PDE4D: variants seen among roughly 807,000 people sequenced by gnomAD.
The protein encoded by PDE4D is 3',5'-cyclic-AMP phosphodiesterase 4D.
A neutral mutation model predicts 87.4 loss-of-function variants in PDE4D; 24 were observed. The ratio of observed to expected loss-of-function variants is 0.27; its 90% CI spans 0.20 to 0.39. The LOEUF (loss-of-function observed/expected upper bound fraction) is 0.39, where lower values mean the gene tolerates loss of function less well. Among genes scored for constraint, PDE4D ranks in the 10% least tolerant of loss-of-function variants. The probability of loss-of-function intolerance (pLI) is 1.00; values close to 1 mark genes in which losing one functional copy is unlikely to be tolerated. For missense variants in PDE4D, 714 were observed against 1,041.0 expected (o/e 0.69, Z 4.32); for synonymous variants, 384 against 383.2 (o/e 1.00, Z -0.02).
At chr5:60,085,281 T>G (rs1051530331) in intron 2 of PDE4D, among the ~76,000 whole-genome samples, 4 of 152,074 alleles carry the variant, frequency 2.6e-5, no homozygotes, top group Admixed American at 6.6e-5. Flanking sequence ...AGGGAATATA[T>G]AGAGGGAATA....
At chr5:60,056,702 C>T (rs1239477618) in intron 2 of PDE4D, among the ~76,000 whole-genome samples, 1 of 151,986 alleles carries the variant, frequency 6.6e-6, no homozygotes, top group Admixed American at 6.6e-5. Context: ...TTTTCTGGGC[C>T]TAGGTTTCCG....
rs137955420 is a variant in PDE4D at position 60,086,366 on chromosome 5, G to C, written c.43-97649C>G. On this transcript the variant is annotated intron_variant, in intron 2 of 16. Transcript: ENST00000502484. The stretch of plus-strand genomic sequence containing the variant: ...TGTCCAGGGAGCTTTAGAAACAAAA[G>C]AACTGCTAGATATTATAGCTCTTTA... Among the ~76,000 whole-genome samples, 206 of 152,238 alleles carry C rather than the reference G, an allele frequency of 1.4e-3. 1 individual carries two copies. The highest frequency in any genetic ancestry group is 4.5e-3 in the African/African-American group (188 of 41,564).
intron 3 of PDE4D, among the ~76,000 whole-genome samples, chr5:59,926,106 CAT>C (rs1298505649): frequency 6.6e-6 from 1 of 151,930 alleles, no homozygotes; most frequent in Non-Finnish European, 1.5e-5. Context: ...GGATAGACCA[CAT>C]GTTAGGCCAC....
At chr5:59,003,859 A>C (rs1751027073) in intron 6 of PDE4D, among the ~76,000 whole-genome samples, 1 of 152,136 alleles carries the variant, frequency 6.6e-6, no homozygotes, top group South Asian at 2.1e-4. Flanking sequence ...CCTCGAGGCA[A>C]AACATACTTG....
chr5:59,586,913 TA>T (rs1825232866), intron 1 of PDE4D: 1 of 985,330 alleles, frequency 1.0e-6, no homozygotes, highest in Non-Finnish European at 1.2e-6. Context: ...ATGGTCACTT[TA>T]ACGCAGTGCT....
At chr5:59,067,225 C>T (rs1481154304) in intron 5 of PDE4D, among the ~76,000 whole-genome samples, 1 of 151,762 alleles carries the variant, frequency 6.6e-6, no homozygotes, top group African/African-American at 2.4e-5. Context: ...TCATGTTGCC[C>T]AGGCTGGTCT....
At chr5:59,168,602 C>T (rs1042092026) in intron 5 of PDE4D, among the ~76,000 whole-genome samples, 43 of 152,270 alleles carry the variant, frequency 2.8e-4, no homozygotes, top group African/African-American at 9.9e-4. Flanking sequence ...TCCTCTTGTC[C>T]TACCCTCCAC....
intron 1 of PDE4D, among the ~76,000 whole-genome samples, chr5:59,225,668 G>A (rs1561754710): frequency 6.8e-6 from 1 of 147,732 alleles, no homozygotes; most frequent in Non-Finnish European, 1.5e-5. Context: ...AAAATAAAAT[G>A]TTTCTGCACA....
At chr5:59,142,424 G>A (rs905442111) in intron 5 of PDE4D, among the ~76,000 whole-genome samples, 12 of 151,962 alleles carry the variant, frequency 7.9e-5, no homozygotes, top group African/African-American at 2.4e-4. Context: ...CCAACACTAC[G>A]TATTATTCCC....
At chr5:59,624,186 G>A (rs1830639588) in intron 1 of PDE4D, among the ~76,000 whole-genome samples, 2 of 152,062 alleles carry the variant, frequency 1.3e-5, no homozygotes, top group South Asian at 4.2e-4. Flanking sequence ...ATGGATCCAT[G>A]CACGCTCTTA....
chr5:59,422,424 G>C (rs1794620153), intron 1 of PDE4D, among the ~76,000 whole-genome samples: 1 of 152,106 alleles, frequency 6.6e-6, no homozygotes, highest in East Asian at 1.9e-4. Flanking sequence ...TTAGTAGATT[G>C]TTCACCTTCT....
chr5:59,047,165 G>A (rs181398547), intron 5 of PDE4D, among the ~76,000 whole-genome samples: 26 of 152,220 alleles, frequency 1.7e-4, no homozygotes, highest in African/African-American at 5.3e-4. Context: ...TAACTTAAAT[G>A]CAAACATTCT....
chr5:60,489,130 A>G (rs2086538769), upstream of PDE4D, among the ~76,000 whole-genome samples: 1 of 152,238 alleles, frequency 6.6e-6, no homozygotes, highest in African/African-American at 2.4e-5. Flanking sequence ...AAACTGACAT[A>G]CACATAACCA....
chr5:59,014,779 G>T (rs945063678), intron 6 of PDE4D, among the ~76,000 whole-genome samples: 1 of 152,082 alleles, frequency 6.6e-6, no homozygotes, highest in Non-Finnish European at 1.5e-5. Context: ...CTACTTTAAA[G>T]TTCATATGGA....
At chr5:59,152,786 C>T (rs527251302) in intron 5 of PDE4D, among the ~76,000 whole-genome samples, 19 of 152,112 alleles carry the variant, frequency 1.2e-4, no homozygotes, top group Non-Finnish European at 1.5e-4. Flanking sequence ...AAACCACTTC[C>T]TTTTACTTGA....
chr5:59,774,856 G>T (rs2152614828), intron 1 of PDE4D, among the ~76,000 whole-genome samples: 1 of 151,714 alleles, frequency 6.6e-6, no homozygotes, highest in East Asian at 1.9e-4. Flanking sequence ...CACCATGCCG[G>T]GCTAATTTTC....
intron 5 of PDE4D, among the ~76,000 whole-genome samples, chr5:59,131,317 A>C (rs1342049686): frequency 6.6e-6 from 1 of 151,976 alleles, no homozygotes; most frequent in Non-Finnish European, 1.5e-5. Context: ...CGTATCCCCA[A>C]CTCCATCCCA....
intron 6 of PDE4D, among the ~76,000 whole-genome samples, chr5:59,012,865 A>G (rs1472919673): frequency 6.6e-6 from 1 of 152,230 alleles, no homozygotes; most frequent in African/African-American, 2.4e-5. Flanking sequence ...TCTCAGCACC[A>G]CATCACAGTT....
At chr5:59,524,454 TAGAGAGATG>T (rs1267925009) in intron 1 of PDE4D, among the ~76,000 whole-genome samples, 1 of 152,076 alleles carries the variant, frequency 6.6e-6, no homozygotes, top group Non-Finnish European at 1.5e-5. Flanking sequence ...AACTGTGAAT[TAGAGAGATG>T]ATTTAGAGTA....
Sources: allele counts gnomAD v4.1 joint callset (sites outside exome capture counted in the v4.1 genomes callset), GRCh38; gene constraint gnomAD v4.1.1; transcripts MANE v1.5; gene names NCBI Gene and HGNC (gene_info 2026-07-23, HGNC 2026-07-21).